The following RALYL variants were observed in gnomAD, a reference collection of about 807,000 sequenced individuals.
RALYL encodes RALY RNA binding protein like.
A neutral mutation model predicts 35.1 loss-of-function variants in RALYL; 29 were observed. That is an observed-to-expected ratio of 0.83 (90% CI 0.61 to 1.13). The LOEUF (loss-of-function observed/expected upper bound fraction) is 1.13. RALYL is among the 50% of genes most tolerant of loss of function. The pLI is 0.00. For synonymous variants in RALYL, 120 were observed against 127.6 expected (o/e 0.94, Z 0.40); for missense variants, 359 against 360.4 (o/e 1.00, Z 0.03).
chr8:84,240,824 G>A (rs1430278530), intron 1 of RALYL, among the ~76,000 whole-genome samples: 4 of 152,108 alleles, frequency 2.6e-5, no homozygotes, highest in Admixed American at 2.0e-4. Context: ...ACAGCATTGA[G>A]TGTTGACAAA....
chr8:84,574,412 A>G (rs1158907726), intron 2 of RALYL, among the ~76,000 whole-genome samples: 2 of 152,048 alleles, frequency 1.3e-5, no homozygotes, highest in African/African-American at 2.4e-5. Context: ...GGAGACTCCT[A>G]TGCAGATTTT....
intron 1 of RALYL, among the ~76,000 whole-genome samples, chr8:84,353,929 C>T (rs1206678913): frequency 6.7e-6 from 1 of 150,000 alleles, no homozygotes; most frequent in Non-Finnish European, 1.5e-5. Context: ...GACTTTAAAG[C>T]ATATAGTTAT....
chr8:84,388,597 G>A (rs1401551223), intron 1 of RALYL, among the ~76,000 whole-genome samples: 6 of 148,988 alleles, frequency 4.0e-5, no homozygotes, highest in Admixed American at 6.6e-5. Flanking sequence ...GCCAGTGATG[G>A]TGAGCATTTT....
In RALYL at chr8:84,674,928, T is replaced by C. The variant is rs113648523; in HGVS notation, c.257-99651T>C. Among the ~76,000 whole-genome samples, 1,252 of 152,174 alleles carry C rather than the reference T, an allele frequency of 8.2e-3. 15 individuals are homozygous for C. The highest frequency in any genetic ancestry group is 0.028 in the African/African-American group (1,165 of 41,544). ...TGTTTCTTGGATTTATTCTTACTTA[T>C]GTTTATTTAAAATTTGATTATAAGA... On this transcript the variant is annotated intron_variant, in intron 2 of 8. Transcript: ENST00000521268.
chr8:84,388,413 G>A (rs1323855836), intron 1 of RALYL, among the ~76,000 whole-genome samples: 4 of 152,102 alleles, frequency 2.6e-5, no homozygotes, highest in Non-Finnish European at 5.9e-5. Context: ...CTGAGGAATC[G>A]CCACACTGAC....
At chr8:84,335,499 A>G (rs937904939) in intron 1 of RALYL, among the ~76,000 whole-genome samples, 1 of 152,030 alleles carries the variant, frequency 6.6e-6, no homozygotes, top group African/African-American at 2.4e-5. Context: ...TTTGGGGACT[A>G]TGAGTCAGGA....
intron 1 of RALYL, among the ~76,000 whole-genome samples, chr8:84,371,611 C>T (rs373786447): frequency 1.1e-4 from 16 of 150,212 alleles, no homozygotes; most frequent in African/African-American, 3.2e-4. Context: ...GAAAATTTTA[C>T]GTATTACTTA....
In RALYL at chr8:84,341,025, T is replaced by G. The variant is rs113566406; in HGVS notation, c.-24+156601T>G. On this transcript the variant is annotated intron_variant, in intron 1 of 8. Transcript: ENST00000521268. ...CCATTCTAACAGGTGTGAGATGATA[T>G]CTCATTGTGGTTTTGATTTACGTTT... Among the ~76,000 whole-genome samples, 408 of 152,190 alleles carry G rather than the reference T, an allele frequency of 2.7e-3. 2 individuals carry two copies. Among genetic ancestry groups the G allele is most frequent in the Non-Finnish European group, 3.9e-3 (264 of 67,976 alleles).
At chr8:84,394,489 T>C (rs1408212944) in intron 1 of RALYL, among the ~76,000 whole-genome samples, 1 of 152,076 alleles carries the variant, frequency 6.6e-6, no homozygotes, top group Admixed American at 6.6e-5. Context: ...TGGTGCCTCA[T>C]GGTTCTTTTT....
chr8:84,207,355 T>G (rs766984592), intron 1 of RALYL, among the ~76,000 whole-genome samples: 10 of 152,002 alleles, frequency 6.6e-5, no homozygotes, highest in Non-Finnish European at 1.3e-4. Flanking sequence ...TAATATACAT[T>G]GTTATATATC....
intron 1 of RALYL, among the ~76,000 whole-genome samples, chr8:84,222,017 G>A (rs1822351069): frequency 6.6e-6 from 1 of 151,880 alleles, no homozygotes; most frequent in Non-Finnish European, 1.5e-5. Flanking sequence ...ATATTCTGAG[G>A]TAGATGGATA....
chr8:84,841,261 G>A (rs2134590087), intron 4 of RALYL, among the ~76,000 whole-genome samples: 1 of 152,268 alleles, frequency 6.6e-6, no homozygotes, highest in East Asian at 1.9e-4. Context: ...CAAAATAAAA[G>A]GGTGGAGGAA....
chr8:84,412,694 C>G (rs1356173920), intron 1 of RALYL, among the ~76,000 whole-genome samples: 1 of 152,000 alleles, frequency 6.6e-6, no homozygotes, highest in African/African-American at 2.4e-5. Context: ...AACTTTTATG[C>G]TAAAAGCAAT....
At chr8:84,286,760 CT>C (rs1837705205) in intron 1 of RALYL, among the ~76,000 whole-genome samples, 1 of 152,122 alleles carries the variant, frequency 6.6e-6, no homozygotes, top group African/African-American at 2.4e-5. Context: ...GGAAGCAAAG[CT>C]TTTTCTAAAA....
Position 84,887,727 on chromosome 8 carries a change from T to G in RALYL, c.809T>G (p.Met270Arg). The change falls in exon 8 of 9, where the codon ATG becomes AGG. Residue 270 changes from methionine to arginine, a missense_variant. By Grantham distance (91) the Met-to-Arg change is moderately conservative. Coordinates refer to ENST00000521268, the MANE Select transcript of RALYL (RefSeq NM_173848.7). ...EGGPDADGEE[M>R]TDGIEEDFDE... ...GGGCCAGATGCCGATGGAGAAGAGA[T>G]GACAGATGGGATAGAGGAGGACTTC... is the stretch of plus-strand genomic sequence containing the variant. The G allele has an allele frequency of 6.2e-7, 1 of 1,613,876 alleles. No individual in the cohort carries two copies. The highest frequency in any genetic ancestry group is 8.5e-7 in the Non-Finnish European group (1 of 1,179,822).
At chr8:84,523,358 A>C (rs554062228) in intron 1 of RALYL, among the ~76,000 whole-genome samples, 2 of 151,822 alleles carry the variant, frequency 1.3e-5, no homozygotes, top group Non-Finnish European at 2.9e-5. Flanking sequence ...GGAAAAAAAA[A>C]CCCACTCCCA....
intron 2 of RALYL, among the ~76,000 whole-genome samples, chr8:84,573,150 T>C (rs1270714530): frequency 1.3e-5 from 2 of 151,398 alleles, no homozygotes; most frequent in East Asian, 3.9e-4. Context: ...CCTTGTCTTT[T>C]AAATAAATTT....
intron 1 of RALYL, among the ~76,000 whole-genome samples, chr8:84,525,370 CA>C (rs1404305099): frequency 6.6e-6 from 1 of 152,014 alleles, no homozygotes; most frequent in East Asian, 1.9e-4. Flanking sequence ...ATTTTTGTGT[CA>C]AAATATAGAT....
At chr8:84,236,330 C>G (rs1366222859) in intron 1 of RALYL, among the ~76,000 whole-genome samples, 2 of 152,104 alleles carry the variant, frequency 1.3e-5, no homozygotes, top group Non-Finnish European at 2.9e-5. Context: ...ATGTTAAGCA[C>G]AGGCAGTGAA....
Sources: gnomAD v4.1 joint callset for allele counts (sites outside exome capture counted in the v4.1 genomes callset) on GRCh38, gnomAD v4.1.1 for gene constraint, MANE v1.5 for transcripts, NCBI Gene and HGNC (gene_info 2026-07-23, HGNC 2026-07-21) for gene names.